The following CDC14B variants were observed in gnomAD, a reference collection of about 807,000 sequenced individuals.
The protein encoded by CDC14B is dual specificity protein phosphatase CDC14B.
In CDC14B, 22 loss-of-function variants were observed where a neutral mutation model predicts 64.2. The ratio of observed to expected loss-of-function variants is 0.34; its 90% confidence interval spans 0.24 to 0.49. The LOEUF (loss-of-function observed/expected upper bound fraction) is 0.49, where lower values mean the gene tolerates loss of function less well. CDC14B is among the 20% of genes least tolerant of loss of function. CDC14B has a pLI of 0.99. For synonymous variants in CDC14B, 191 were observed against 215.8 expected (o/e 0.89, Z 1.01); for missense variants, 498 against 629.9 (o/e 0.79, Z 2.24).
At chr9:96,566,867 G>A (rs767671502) in intron 1 of CDC14B, 2 of 1,576,804 alleles carry the variant, frequency 1.3e-6, no homozygotes, top group African/African-American at 1.3e-5. Context: ...GCCAGCCGCC[G>A]AGAGGGGAGG....
At chr9:96,589,170 T>C (rs1845635038) in intron 1 of CDC14B, among the ~76,000 whole-genome samples, 1 of 150,872 alleles carries the variant, frequency 6.6e-6, no homozygotes, top group East Asian at 1.9e-4. Context: ...ACCCTATCTC[T>C]ACTAAAATAC....
intron 13 of CDC14B, among the ~76,000 whole-genome samples, chr9:96,504,896 C>T (rs1833913147): frequency 1.3e-5 from 2 of 152,096 alleles, no homozygotes; most frequent in African/African-American, 4.8e-5. Flanking sequence ...GGAAAGAGGC[C>T]GGGCGCCGTG....
chr9:96,586,571 A>C (rs1435846778), intron 1 of CDC14B, among the ~76,000 whole-genome samples: 1 of 152,128 alleles, frequency 6.6e-6, no homozygotes, highest in African/African-American at 2.4e-5. Context: ...AGTAGCTGGG[A>C]CCACAGGTGT....
intron 7 of CDC14B, among the ~76,000 whole-genome samples, chr9:96,534,984 A>G (rs372352769): frequency 6.6e-6 from 1 of 152,168 alleles, no homozygotes; most frequent in Non-Finnish European, 1.5e-5. Context: ...AGGGGGAAAA[A>G]CTATCTACTT....
chr9:96,614,333 C>T (rs1441540984), intron 1 of CDC14B, among the ~76,000 whole-genome samples: 1 of 151,784 alleles, frequency 6.6e-6, no homozygotes, highest in African/African-American at 2.4e-5. Flanking sequence ...CCTTGAACTC[C>T]CAGGCTCAAG....
chr9:96,571,046 C>T (rs1470009486), intron 1 of CDC14B, among the ~76,000 whole-genome samples: 1 of 152,050 alleles, frequency 6.6e-6, no homozygotes, highest in Non-Finnish European at 1.5e-5. Context: ...ACAAAGAAGG[C>T]CTTATCCAAT....
chr9:96,619,431 G>C lies in CDC14B; in HGVS notation c.-53C>G, dbSNP rs1273581556. Reference sequence around the variant, plus strand: ...CACGACCATGGCCCCGCGCGCCCGCGCGCCCGCCGAGGCTCCCGCCAGCCC... The same window carrying C: ...CACGACCATGGCCCCGCGCGCCCGCCCGCCCGCCGAGGCTCCCGCCAGCCC... On this transcript the variant is annotated 5_prime_UTR_variant, in exon 1 of 14. Transcript: ENST00000375241. 125 of 1,072,008 alleles carry C rather than the reference G, an allele frequency of 1.2e-4. No homozygotes were observed. Among genetic ancestry groups the C allele is most frequent in the Middle Eastern group, 8.3e-4 (2 of 2,402 alleles). The allele number at this position is 1,072,008 out of a possible 1,614,324, so 66.4% of individuals were successfully genotyped here.
At chr9:96,549,053 T>C (rs1303479939) in intron 5 of CDC14B, among the ~76,000 whole-genome samples, 1 of 152,188 alleles carries the variant, frequency 6.6e-6, no homozygotes, top group African/African-American at 2.4e-5. Context: ...TACTTTCTAA[T>C]TGATAAGTTC....
At chr9:96,604,340 CA>C in intron 1 of CDC14B, among the ~76,000 whole-genome samples, 1 of 138,482 alleles carries the variant, frequency 7.2e-6, no homozygotes, top group Admixed American at 7.5e-5. Flanking sequence ...GTGAAGCTTG[CA>C]TTTATTATTA....
chr9:96,525,189 C>G (rs1172889857), intron 9 of CDC14B, among the ~76,000 whole-genome samples: 1 of 152,070 alleles, frequency 6.6e-6, no homozygotes, highest in African/African-American at 2.4e-5. Flanking sequence ...TGGCTGGACA[C>G]TCCCCCTCTA....
In CDC14B at chr9:96,602,443, C is replaced by T. The variant is rs578130261; in HGVS notation, c.160+16776G>A. ...TTTCACGCTGCTGATAAGGACATCC[C>T]CGAAACTGGGCAATTTACAAAAGAG... On this transcript the variant is annotated intron_variant, in intron 1 of 13. Coordinates refer to ENST00000375241, the MANE Select transcript of CDC14B (RefSeq NM_033331.4). Among the ~76,000 whole-genome samples, 130 of 152,294 alleles carry T rather than the reference C, an allele frequency of 8.5e-4. 1 individual carries two copies. Among genetic ancestry groups the T allele is most frequent in the Middle Eastern group, 3.4e-3 (1 of 294 alleles).
chr9:96,514,418 A>G, intron 12 of CDC14B: 1 of 985,344 alleles, frequency 1.0e-6, no homozygotes, highest in Non-Finnish European at 1.2e-6. Flanking sequence ...CTATCTCAGA[A>G]ATACAGCAGG....
At chr9:96,544,604 C>A (rs1397137046) in intron 5 of CDC14B, among the ~76,000 whole-genome samples, 1 of 152,142 alleles carries the variant, frequency 6.6e-6, no homozygotes, top group African/African-American at 2.4e-5. Flanking sequence ...AAGCGATCCT[C>A]CCACCTCAGC....
Position 96,515,067 on chromosome 9 carries a change from T to C in CDC14B, c.1344-5278A>G, listed in dbSNP as rs1835444187. 1 of 253,562 alleles carries C rather than the reference T, an allele frequency of 3.9e-6. No homozygotes were observed. The highest frequency in any genetic ancestry group is 6.5e-5 in the Admixed American group (1 of 15,402). 15.7% of individuals were successfully genotyped at this position (253,562 alleles called of 1,614,324 possible). ...AGCATCAAGTGCTACACACTGTACT[T>C]ACTGTATTCCCTAAAGGGGAGGAGG... On this transcript the variant is annotated intron_variant, in intron 12 of 13. Transcript: ENST00000375241. This position sits in a 1 kb window ranked among gnomAD's most constrained non-coding sequence, Gnocchi z 4.3.
chr9:96,553,146 A>G (rs1032005805), intron 4 of CDC14B, among the ~76,000 whole-genome samples: 3 of 152,164 alleles, frequency 2.0e-5, no homozygotes, highest in Non-Finnish European at 2.9e-5. Flanking sequence ...ATAAAAGTTG[A>G]TATCAATGTG....
chr9:96,567,054 C>G (rs1464078420), intron 1 of CDC14B: 4 of 1,092,390 alleles, frequency 3.7e-6, no homozygotes, highest in Non-Finnish European at 5.0e-6. Context: ...GACAGCACCC[C>G]GCCCCACCTC....
intron 13 of CDC14B, among the ~76,000 whole-genome samples, chr9:96,508,562 C>T (rs1044082270): frequency 6.6e-6 from 1 of 152,226 alleles, no homozygotes; most frequent in Non-Finnish European, 1.5e-5. Flanking sequence ...TGGTACATTT[C>T]TAATGAAAAA....
At chr9:96,563,585 G>C (rs1040943891) in intron 3 of CDC14B, among the ~76,000 whole-genome samples, 2 of 151,002 alleles carry the variant, frequency 1.3e-5, no homozygotes, top group African/African-American at 4.9e-5. Flanking sequence ...GGGGGGTGGA[G>C]GTTATAGTGA....
chr9:96,601,794 G>GAAAAA (rs35472518), intron 1 of CDC14B, among the ~76,000 whole-genome samples: 1 of 68,228 alleles, frequency 1.5e-5, no homozygotes, highest in Non-Finnish European at 2.9e-5. Context: ...ACGCTGTCTC[G>GAAAAA]AAAAAAAAAA....
Sources: gnomAD v4.1 joint callset for allele counts (sites outside exome capture counted in the v4.1 genomes callset) on GRCh38, gnomAD v4.1.1 for gene constraint, Gnocchi (gnomAD v3.1) non-coding constraint, MANE v1.5 for transcripts, NCBI Gene and HGNC (gene_info 2026-07-23, HGNC 2026-07-21) for gene names.